The following ADGB variants were observed in gnomAD, a reference collection of about 807,000 sequenced individuals.
ADGB encodes androglobin.
ADGB carries 172 observed loss-of-function variants against 210.5 expected under a neutral mutation model. That is an observed-to-expected ratio of 0.82 (90% CI 0.72 to 0.93). The LOEUF is 0.93. ADGB is among the 40% of genes least tolerant of loss of function. The pLI, the probability that ADGB is intolerant of heterozygous loss-of-function variation, is 0.00. For synonymous variants in ADGB, 658 were observed against 662.7 expected, an observed-to-expected ratio of 0.99 and a Z score of 0.11; for missense variants, 2,025 against 1,964.8, an observed-to-expected ratio of 1.03 and a Z score of -0.58.
intron 13 of ADGB, among the ~76,000 whole-genome samples, chr6:146,706,828 T>C (rs1378527105): frequency 7.0e-6 from 1 of 143,402 alleles, no homozygotes; most frequent in Non-Finnish European, 1.5e-5. Context: ...GTTTATCTTT[T>C]CAAAGATCAG....
chr6:146,698,378 A>T (rs1735774760), intron 12 of ADGB, among the ~76,000 whole-genome samples: 1 of 152,238 alleles, frequency 6.6e-6, no homozygotes, highest in Admixed American at 6.5e-5. Flanking sequence ...TAAGCTGATA[A>T]GAGAAAAGCA....
At chr6:146,652,964 A>G (rs1775723979) in intron 3 of ADGB, among the ~76,000 whole-genome samples, 1 of 152,142 alleles carries the variant, frequency 6.6e-6, no homozygotes, top group South Asian at 2.1e-4. Context: ...GCCACACAGC[A>G]GGAGGTGAGC....
At chr6:146,745,032 T>C (rs746583622) in intron 25 of ADGB, among the ~76,000 whole-genome samples, 16 of 152,178 alleles carry the variant, frequency 1.1e-4, no homozygotes, top group Non-Finnish European at 1.9e-4. Flanking sequence ...TGTCATAAAG[T>C]CCTTACTGGT....
chr6:146,675,401 G>C (rs1368289530), intron 8 of ADGB, among the ~76,000 whole-genome samples: 3 of 152,040 alleles, frequency 2.0e-5, no homozygotes, highest in African/African-American at 7.3e-5. Flanking sequence ...CCTGAGCCTG[G>C]GAGGTCAATG....
chr6:146,719,997 A>AT, intron 16 of ADGB, among the ~76,000 whole-genome samples: 1 of 152,340 alleles, frequency 6.6e-6, no homozygotes, highest in Admixed American at 6.5e-5. Flanking sequence ...GTTATAGTTG[A>AT]TTAAATAACA....
chr6:146,691,449 T>TTA (rs1776317755), intron 11 of ADGB, among the ~76,000 whole-genome samples, 159 bp downstream of exon 11: 1 of 55,942 alleles, frequency 1.8e-5, no homozygotes, highest in Admixed American at 3.0e-4. Context: ...TATAAAAATA[T>TTA]ATATATATAA....
chr6:146,644,907 G>A, intron 3 of ADGB, 42 bp downstream of exon 3: 1 of 1,193,182 alleles, frequency 8.4e-7, no homozygotes, highest in South Asian at 1.7e-5. Context: ...TTACTATGTG[G>A]ATGTATTATC....
intron 7 of ADGB, 44 bp from the exon 8 acceptor site, chr6:146,672,176 A>G (rs964860011): frequency 2.7e-5 from 39 of 1,454,390 alleles, no homozygotes; most frequent in Middle Eastern, 1.8e-4. Flanking sequence ...CAAGGAAAAA[A>G]AAAAACATCG....
In ADGB at chr6:146,763,755, A is replaced by T. The variant is rs1777533428; in HGVS notation, c.3551-146A>T. 4.2e-6 allele frequency: 3 copies of T among 718,016 alleles called. No individual in the cohort carries two copies. The South Asian group carries it at 6.3e-5, about 15-fold the overall frequency. 44.5% of individuals were successfully genotyped at this position (718,016 alleles called of 1,614,324 possible). On this transcript the variant is annotated intron_variant, in intron 27 of 35. Coordinates refer to ENST00000397944, the MANE Select transcript of ADGB (RefSeq NM_024694.4). ...ATAATAGATTTCCTTAAGAACAATA[A>T]ACCAAAAACACTGTTTTTTATCTCA... is the stretch of plus-strand genomic sequence containing the variant.
intron 2 of ADGB, among the ~76,000 whole-genome samples, chr6:146,638,130 CA>C (rs1179533168): frequency 1.3e-5 from 2 of 152,120 alleles, no homozygotes; most frequent in African/African-American, 4.8e-5. Flanking sequence ...CAACTAAAGA[CA>C]AAAACCACAT....
At chr6:146,805,250 G>C (rs1323473987) in intron 35 of ADGB, among the ~76,000 whole-genome samples, 2 of 152,172 alleles carry the variant, frequency 1.3e-5, no homozygotes, top group African/African-American at 2.4e-5. Flanking sequence ...TCACTGACCA[G>C]AGCAAGTCAC....
At chr6:146,626,057 T>C (rs1044914214) in intron 1 of ADGB, among the ~76,000 whole-genome samples, 2 of 152,028 alleles carry the variant, frequency 1.3e-5, no homozygotes, top group Non-Finnish European at 2.9e-5. Flanking sequence ...ATCTCCTATA[T>C]TGGCTTTTTG....
At chr6:146,734,117 C>T in intron 22 of ADGB, 87 bp downstream of exon 22, 2 of 1,289,004 alleles carry the variant, frequency 1.6e-6, no homozygotes, top group Non-Finnish European at 2.1e-6. Context: ...TTGGAGTCCC[C>T]CACTTTATGG....
At position 146,675,169 on chromosome 6, in the gene ADGB, A is replaced by G. The variant is rs185203954; in HGVS notation, c.1088-1144A>G. 2.0e-3 allele frequency among the ~76,000 whole-genome samples: 308 copies of G among 152,206 alleles called. 4 individuals carry two copies. The highest frequency in any genetic ancestry group is 5.3e-4 in the Non-Finnish European group (36 of 68,012). ...TTAAATCTGCTGAAAAAGCTAAGAT[A>G]TGGGCCGGGCATAGTTGCTCACACC... On this transcript the variant is annotated intron_variant, in intron 8 of 35. Coordinates refer to ENST00000397944, the MANE Select transcript of ADGB (RefSeq NM_024694.4).
rs183499047 is a variant in ADGB, at chr6:146,673,850, G to A, written c.1087+1383G>A. ...GGCTGGTGATATACACTTGGGAGTC[G>A]TTGACAAATTCCTGCAAAATTAAAC... On this transcript the variant is annotated intron_variant, in intron 8 of 35. Transcript: ENST00000397944. Among the ~76,000 whole-genome samples, 104 of 152,198 alleles carry A rather than the reference G, an allele frequency of 6.8e-4. 1 individual carries two copies. The highest frequency in any genetic ancestry group is 2.4e-3 in the African/African-American group (98 of 41,542).
At chr6:146,722,049 A>AATCT (rs1776826662) in intron 17 of ADGB, among the ~76,000 whole-genome samples, 1 of 151,752 alleles carries the variant, frequency 6.6e-6, no homozygotes, top group Non-Finnish European at 1.5e-5. Flanking sequence ...GTACTCACTC[A>AATCT]ATCTGTTAGT....
chr6:146,785,857 T>G (rs1777865234), intron 32 of ADGB, 145 bp downstream of exon 32: 3 of 634,750 alleles, frequency 4.7e-6, no homozygotes, highest in East Asian at 2.8e-5. Context: ...TCGCACAATT[T>G]CAGATAACTA....
intron 23 of ADGB, among the ~76,000 whole-genome samples, chr6:146,739,950 C>T (rs1777139148): frequency 6.6e-6 from 1 of 152,236 alleles, no homozygotes; most frequent in African/African-American, 2.4e-5. Flanking sequence ...CCCTTATACA[C>T]TCAGAAATCA....
rs778393178 is a variant in ADGB at position 146,801,170 on chromosome 6, GT to G, written c.4538-5del. The G allele has an allele frequency of 3.5e-5, 50 of 1,429,420 alleles. No individual in the cohort carries two copies. The highest frequency in any genetic ancestry group is 2.4e-4 in the South Asian group (16 of 67,996). The allele number at this position is 1,429,420 out of a possible 1,614,324, so 88.5% of individuals were successfully genotyped here. On this transcript the variant is annotated splice_polypyrimidine_tract_variant and intron_variant, in intron 33 of 35. Coordinates refer to ENST00000397944, the MANE Select transcript of ADGB (RefSeq NM_024694.4). ...AGCCTAGGTTTTTTGTTGTGTGTGT[GT>G]TTTTTTTAAAGAAACAGGACCTCGT...
Sources: allele counts gnomAD v4.1 joint callset (sites outside exome capture counted in the v4.1 genomes callset), GRCh38; gene constraint gnomAD v4.1.1; transcripts MANE v1.5; gene names NCBI Gene and HGNC (gene_info 2026-07-23, HGNC 2026-07-21).